IL1RAPL1: variants seen among roughly 807,000 people sequenced by gnomAD.
IL1RAPL1 encodes the protein interleukin-1 receptor accessory protein-like 1.
IL1RAPL1 carries 3 observed loss-of-function variants against 48.4 expected under a neutral mutation model. The ratio of observed to expected loss-of-function variants is 0.06; its 90% CI spans 0.03 to 0.16. The LOEUF (loss-of-function observed/expected upper bound fraction) is 0.16. Ranked by LOEUF, IL1RAPL1 falls within the 10% of genes least tolerant of loss-of-function variation. The pLI is 1.00. For missense variants in IL1RAPL1, 349 were observed against 530.6 expected (o/e 0.66, Z 3.36); for synonymous variants, 185 against 187.7 (o/e 0.99, Z 0.12).
rs373579005 is a variant in IL1RAPL1 at position 29,337,827 on chromosome X, AC to A, written c.362+54612del. On this transcript the variant is annotated intron_variant, in intron 3 of 10. Coordinates refer to ENST00000378993, the MANE Select transcript of IL1RAPL1 (RefSeq NM_014271.4). ...GTAGCTTGGATTACAGGTGCCCGTC[AC>A]CACGCCCGGCTAATTTTTGTATTTT... Among the ~76,000 whole-genome samples the A allele has an allele frequency of 3.5e-4, 39 of 110,102 alleles. 1 individual carries two copies. The highest frequency in any genetic ancestry group is 1.3e-3 in the African/African-American group (38 of 30,232).
intron 5 of IL1RAPL1, among the ~76,000 whole-genome samples, chrX:29,542,607 A>T (rs1013822831): frequency 4.5e-5 from 5 of 111,957 alleles, no homozygotes; most frequent in Admixed American, 9.5e-5. Context: ...ATAGTTTAGC[A>T]CTTAATCTTT....
chrX:28,604,447 G>A (rs1191784122), intron 1 of IL1RAPL1, among the ~76,000 whole-genome samples: 1 of 111,509 alleles, frequency 9.0e-6, no homozygotes, highest in Non-Finnish European at 1.9e-5. Context: ...TGTATTTGTA[G>A]GCCAGGTGTG....
At chrX:28,871,775 T>A (rs1211932502) in intron 2 of IL1RAPL1, among the ~76,000 whole-genome samples, 5 of 111,752 alleles carry the variant, frequency 4.5e-5, no homozygotes, top group Non-Finnish European at 9.4e-5. Flanking sequence ...TACTGTACTG[T>A]ATTCCCTGCT....
At chrX:28,739,812 A>G (rs1935886285) in intron 1 of IL1RAPL1, among the ~76,000 whole-genome samples, 2 of 110,975 alleles carry the variant, frequency 1.8e-5, no homozygotes, top group African/African-American at 6.5e-5. Context: ...CTCCTTTCCA[A>G]GGCTTTTATG....
At chrX:28,629,262 T>C (rs1264556555) in intron 1 of IL1RAPL1, among the ~76,000 whole-genome samples, 1 of 111,700 alleles carries the variant, frequency 9.0e-6, no homozygotes, top group Non-Finnish European at 1.9e-5. Context: ...GTTTCTTGAC[T>C]TTGCTTTAGT....
intron 6 of IL1RAPL1, among the ~76,000 whole-genome samples, chrX:29,869,403 T>C (rs926823796): frequency 9.0e-6 from 1 of 111,599 alleles, no homozygotes; most frequent in Admixed American, 9.6e-5. Context: ...GAAAGCCTGG[T>C]GATACGTAAT....
chrX:29,216,608 A>G (rs751360599), intron 2 of IL1RAPL1, among the ~76,000 whole-genome samples: 1 of 111,622 alleles, frequency 9.0e-6, no homozygotes, highest in South Asian at 3.7e-4. Context: ...TTTGCCTACA[A>G]ACACCTGCAA....
intron 2 of IL1RAPL1, among the ~76,000 whole-genome samples, chrX:28,944,295 G>C (rs961222412): frequency 9.1e-6 from 1 of 110,037 alleles, no homozygotes; most frequent in Non-Finnish European, 1.9e-5. Context: ...TCAAATATTA[G>C]GGTAATGATT....
At position 29,788,943 on chromosome X, in the gene IL1RAPL1, C is replaced by T. The variant is rs145750466; in HGVS notation, c.778+120439C>T. Among the ~76,000 whole-genome samples, 373 of 111,354 alleles carry T rather than the reference C, an allele frequency of 3.3e-3. 1 individual carries two copies. Among genetic ancestry groups the T allele is most frequent in the African/African-American group, 0.012 (360 of 30,606 alleles). On this transcript the variant is annotated intron_variant, in intron 6 of 10. Coordinates refer to ENST00000378993, the MANE Select transcript of IL1RAPL1 (RefSeq NM_014271.4). ...TCATTGATAAACTTGTCATAATTAACTGTATTTATGACAAAGAAAGCAAAA... is the reference window on the plus strand; with the variant it reads ...TCATTGATAAACTTGTCATAATTAATTGTATTTATGACAAAGAAAGCAAAA...
chrX:29,177,882 T>C (rs760439726), intron 2 of IL1RAPL1, among the ~76,000 whole-genome samples: 4 of 111,896 alleles, frequency 3.6e-5, no homozygotes, highest in African/African-American at 1.3e-4. Flanking sequence ...CTCAGAATGA[T>C]GGTTTCCAGC....
chrX:29,578,960 C>A (rs1005523148), intron 5 of IL1RAPL1, among the ~76,000 whole-genome samples: 9 of 111,920 alleles, frequency 8.0e-5, no homozygotes, highest in African/African-American at 2.9e-4. Context: ...ACTCATGTAT[C>A]AGTGTCAGCT....
chrX:29,224,245 A>T (rs770518259), intron 2 of IL1RAPL1, among the ~76,000 whole-genome samples: 1 of 111,384 alleles, frequency 9.0e-6, no homozygotes, highest in South Asian at 3.9e-4. Context: ...CTTTAAACTC[A>T]TGCTATGTTG....
chrX:28,899,917 A>G (rs1283178866), intron 2 of IL1RAPL1, among the ~76,000 whole-genome samples: 2 of 112,129 alleles, frequency 1.8e-5, no homozygotes, highest in African/African-American at 3.2e-5. Flanking sequence ...TTGACTTTAA[A>G]TTGAAAATTG....
chrX:29,054,408 C>T (rs1243237073), intron 2 of IL1RAPL1, among the ~76,000 whole-genome samples: 2 of 111,355 alleles, frequency 1.8e-5, no homozygotes, highest in African/African-American at 6.5e-5. Flanking sequence ...CCACTTACCC[C>T]TCAGTCTCCT....
At chrX:29,055,338 A>G (rs1602033016) in intron 2 of IL1RAPL1, among the ~76,000 whole-genome samples, 3 of 111,692 alleles carry the variant, frequency 2.7e-5, no homozygotes, top group South Asian at 7.3e-4. Context: ...AATTCTATCC[A>G]TATAATTCAG....
intron 6 of IL1RAPL1, among the ~76,000 whole-genome samples, chrX:29,852,156 C>T: frequency 8.9e-6 from 1 of 112,238 alleles, no homozygotes; most frequent in Non-Finnish European, 1.9e-5. Flanking sequence ...AGCCAACTTG[C>T]CAGAAACTGA....
intron 6 of IL1RAPL1, among the ~76,000 whole-genome samples, chrX:29,720,206 G>C (rs1359485913): frequency 9.1e-6 from 1 of 109,437 alleles, no homozygotes; most frequent in Non-Finnish European, 1.9e-5. Flanking sequence ...GATTCCTCAA[G>C]GATCTAGAAC....
chrX:29,328,646 G>T (rs186314932), intron 3 of IL1RAPL1, among the ~76,000 whole-genome samples: 33,191 of 92,553 alleles, frequency 0.36, 4,866 homozygotes, highest in African/African-American at 0.41. Context: ...TATATATAGA[G>T]AGAGAGAGAG....
intron 5 of IL1RAPL1, among the ~76,000 whole-genome samples, chrX:29,454,221 G>A (rs775067864): frequency 2.0e-4 from 23 of 112,264 alleles, no homozygotes; most frequent in Non-Finnish European, 3.6e-4. Flanking sequence ...AAGAGAATAG[G>A]CACATTATCA....
Sources: allele counts gnomAD v4.1 joint callset (sites outside exome capture counted in the v4.1 genomes callset), GRCh38; gene constraint gnomAD v4.1.1; transcripts MANE v1.5; gene names NCBI Gene and HGNC (gene_info 2026-07-23, HGNC 2026-07-21).